ATP10B: variants seen among roughly 807,000 people sequenced by gnomAD.
ATP10B encodes phospholipid-transporting ATPase VB.
In ATP10B, 122 loss-of-function variants were observed where a neutral mutation model predicts 141.2. That is an observed-to-expected ratio of 0.86 (90% CI 0.75 to 1.00). ATP10B has a LOEUF of 1.00. Among genes scored for constraint, ATP10B ranks in the 50% least tolerant of loss-of-function variants. The pLI is 0.00. For synonymous variants in ATP10B, 685 were observed against 692.0 expected (o/e 0.99, Z 0.16); for missense variants, 1,876 against 1,825.3 (o/e 1.03, Z -0.51).
chr5:160,857,856 T>G, the ATP10B span, among the ~76,000 whole-genome samples: 1 of 151,926 alleles, frequency 6.6e-6, no homozygotes, highest in African/African-American at 2.4e-5. Flanking sequence ...TTCATTATGG[T>G]CAGAGAATGC....
chr5:160,585,211 T>G (rs1446816390), intron 24 of ATP10B, among the ~76,000 whole-genome samples: 5 of 152,238 alleles, frequency 3.3e-5, no homozygotes, highest in Non-Finnish European at 5.9e-5. Flanking sequence ...AAACTACATT[T>G]CAATTTGGCA....
At chr5:160,928,985 G>C in the ATP10B span, among the ~76,000 whole-genome samples, 1 of 152,222 alleles carries the variant, frequency 6.6e-6, no homozygotes, top group African/African-American at 2.4e-5. Flanking sequence ...ACAGTCACCT[G>C]TATGCCCTGG....
chr5:160,689,325 G>A (rs1016412403), intron 3 of ATP10B, among the ~76,000 whole-genome samples: 1 of 152,158 alleles, frequency 6.6e-6, no homozygotes, highest in African/African-American at 2.4e-5. Flanking sequence ...ACAAGACAAG[G>A]ATGCCCTCTC....
intron 1 of ATP10B, among the ~76,000 whole-genome samples, chr5:160,815,465 A>G (rs1773534832): frequency 6.6e-6 from 1 of 152,240 alleles, no homozygotes; most frequent in Non-Finnish European, 1.5e-5. Context: ...TGCACCCAAT[A>G]CAGGAGCACC....
the ATP10B span, among the ~76,000 whole-genome samples, chr5:160,888,062 G>T: frequency 0.15 from 22,532 of 152,206 alleles, 1,945 homozygotes; most frequent in African/African-American, 0.23. Context: ...TATGGACAAA[G>T]GAGCCTGTCA....
At chr5:160,618,025 C>T in intron 15 of ATP10B, 52 bp from the exon 16 acceptor site, 1 of 1,380,104 alleles carries the variant, frequency 7.2e-7, no homozygotes, top group South Asian at 1.2e-5. Context: ...GCTCAGGGAT[C>T]CCCATCCCCA....
At chr5:160,716,056 C>T (rs927953317) in intron 3 of ATP10B, among the ~76,000 whole-genome samples, 1 of 152,134 alleles carries the variant, frequency 6.6e-6, no homozygotes, top group Non-Finnish European at 1.5e-5. Flanking sequence ...TGTTCTTAGA[C>T]CCAGCATTTT....
At chr5:160,868,698 T>C in the ATP10B span, among the ~76,000 whole-genome samples, 1 of 152,134 alleles carries the variant, frequency 6.6e-6, no homozygotes, top group Non-Finnish European at 1.5e-5. Context: ...GTAAATGACC[T>C]CTAAGACTTG....
intron 2 of ATP10B, among the ~76,000 whole-genome samples, chr5:160,770,609 G>A (rs11135119): frequency 0.16 from 24,121 of 152,108 alleles, 2,726 homozygotes; most frequent in East Asian, 0.42. Flanking sequence ...ACATTTCCCA[G>A]TGCAAGGTAT....
the ATP10B span, among the ~76,000 whole-genome samples, chr5:160,908,901 C>G: frequency 2.9e-3 from 435 of 152,298 alleles, 1 homozygote; most frequent in African/African-American, 0.01. Context: ...TTTATGTCCT[C>G]CAAGTTCTGA....
the ATP10B span, among the ~76,000 whole-genome samples, chr5:160,858,113 C>T: frequency 1.3e-5 from 2 of 151,656 alleles, no homozygotes; most frequent in African/African-American, 2.4e-5. Context: ...TTCCTCCTTT[C>T]AGTCATATTG....
At chr5:160,719,273 G>A (rs541533142) in intron 2 of ATP10B, among the ~76,000 whole-genome samples, 162 of 152,304 alleles carry the variant, frequency 1.1e-3, no homozygotes, top group African/African-American at 3.7e-3. Flanking sequence ...GTTGGTGGGC[G>A]CCTGTAGTCC....
chr5:160,880,203 A>G, the ATP10B span, among the ~76,000 whole-genome samples: 1 of 97,660 alleles, frequency 1.0e-5, no homozygotes, highest in Non-Finnish European at 2.2e-5. Context: ...TATATAGATT[A>G]TATAATATAT....
chr5:160,903,678 G>T, the ATP10B span, among the ~76,000 whole-genome samples: 7 of 152,084 alleles, frequency 4.6e-5, no homozygotes, highest in African/African-American at 1.7e-4. Context: ...ATCATTTAAG[G>T]TATCTCTGTC....
At chr5:160,596,295 G>A (rs868413475) in intron 22 of ATP10B, among the ~76,000 whole-genome samples, 5,046 of 152,086 alleles carry the variant, frequency 0.033, 280 homozygotes, top group African/African-American at 0.12. Flanking sequence ...CAAAAACCAC[G>A]TGATTATCCC....
chr5:160,698,242 A>G (rs558721943), intron 3 of ATP10B, among the ~76,000 whole-genome samples: 1 of 152,186 alleles, frequency 6.6e-6, no homozygotes, highest in South Asian at 2.1e-4. Flanking sequence ...GTTTACCTTA[A>G]TGACTTAAGA....
chr5:160,823,436 C>A, intron 1 of ATP10B, among the ~76,000 whole-genome samples: 1 of 152,064 alleles, frequency 6.6e-6, no homozygotes, highest in East Asian at 1.9e-4. Flanking sequence ...CTTATACATG[C>A]TAGACTTAAT....
At chr5:160,834,922 G>A (rs1299136254) in intron 1 of ATP10B, among the ~76,000 whole-genome samples, 1 of 152,116 alleles carries the variant, frequency 6.6e-6, no homozygotes, top group East Asian at 1.9e-4. Flanking sequence ...TTGACCAGAT[G>A]TTTATGCCTG....
At chr5:160,768,574 C>T (rs965296304) in intron 2 of ATP10B, among the ~76,000 whole-genome samples, 4 of 152,162 alleles carry the variant, frequency 2.6e-5, no homozygotes, top group African/African-American at 9.7e-5. Context: ...ATATCATTTG[C>T]CACTATGTTA....
Sources: allele counts gnomAD v4.1 joint callset (sites outside exome capture counted in the v4.1 genomes callset), GRCh38; gene constraint gnomAD v4.1.1; transcripts MANE v1.5; gene names NCBI Gene and HGNC (gene_info 2026-07-23, HGNC 2026-07-21).